Variants in ESRRA observed in about 807,000 individuals in gnomAD.
ESRRA encodes the protein steroid hormone receptor ERR1.
Under a neutral mutation model 35.6 loss-of-function variants are expected in ESRRA, and 7 were observed. The observed-to-expected ratio is 0.20, with a 90% CI of 0.11 to 0.37. The LOEUF is 0.37. Ranked by LOEUF, ESRRA falls within the 10% of genes least tolerant of loss-of-function variation. The pLI, the probability that ESRRA is intolerant of heterozygous loss-of-function variation, is 1.00. For synonymous variants in ESRRA, 223 were observed against 246.9 expected, an observed-to-expected ratio of 0.90 and a Z score of 0.91; for missense variants, 378 against 561.7, an observed-to-expected ratio of 0.67 and a Z score of 3.31.
At position 64,307,036 on chromosome 11, in the gene ESRRA, GC is replaced by G. The variant is rs1018759174; in HGVS notation, c.-12-126del. ...CCTGGGCAGTCCTTCCTTGGACTCT[GC>G]CCCCCTTCTTCCCCACTTGCTGGGC... On this transcript the variant is annotated intron_variant, in intron 1 of 6. Transcript: ENST00000000442. 7.5e-6 allele frequency: 5 copies of G among 670,006 alleles called. No homozygotes were observed. The Admixed American group carries it at 1.2e-4, about 17-fold the overall frequency. 41.5% of individuals were successfully genotyped at this position (670,006 alleles called of 1,614,324 possible). A position where few individuals can be genotyped will look rare whatever the true frequency, so the allele number is the denominator to read the frequency against.
Position 64,315,992 on chromosome 11 carries a change from T to G in ESRRA, c.*26T>G. On this transcript the variant is annotated 3_prime_UTR_variant, in exon 7 of 7. Coordinates refer to ENST00000000442, the MANE Select transcript of ESRRA (RefSeq NM_004451.5). ...GGCAAGGGGTGGGACTGGTGGGGGT[T>G]CTGGCAGGACCTGCCTAGCATGGGG... is the stretch of plus-strand genomic sequence containing the variant. 2 of 1,543,172 alleles carry G rather than the reference T, an allele frequency of 1.3e-6. No individual in the cohort carries two copies. The highest frequency in any genetic ancestry group is 1.8e-6 in the Non-Finnish European group (2 of 1,140,372).
chr11:64,310,715 T>C (rs1255405864), intron 2 of ESRRA, among the ~76,000 whole-genome samples: 3 of 151,914 alleles, frequency 2.0e-5, no homozygotes, highest in Non-Finnish European at 4.4e-5. Context: ...GCCCGGCTAA[T>C]TTTTGTGTTT....
Position 64,313,827 on chromosome 11 carries a change from C to T in ESRRA, c.326-124C>T. On this transcript the variant is annotated intron_variant, in intron 2 of 6. Transcript: ENST00000000442. The surrounding 1 kb of genome is among the most constrained non-coding windows in gnomAD (Gnocchi z 4.0). ...CTCCCTGCCTGCTCATGGCCCCCTG[C>T]TCTCCCTTTCCTCCCCATACCCCCA... The T allele has an allele frequency of 1.6e-6, 1 of 637,156 alleles. No individual in the cohort carries two copies. Among genetic ancestry groups the T allele is most frequent in the South Asian group, 2.1e-5 (1 of 46,876 alleles). 39.5% of individuals were successfully genotyped at this position (637,156 alleles called of 1,614,324 possible).
In ESRRA at chr11:64,307,207, C is replaced by T. The variant is rs1248972268; in HGVS notation, c.28C>T (p.Pro10Ser). MSSQVVGIEPLYIKAEPASP... is the reference protein window; with the variant it reads MSSQVVGIESLYIKAEPASP... ...GTCCAGCCAGGTGGTGGGCATTGAG[C>T]CTCTCTACATCAAGGCAGAGCCGGC... The change falls in exon 2 of 7, where the codon CCT (proline) becomes TCT (serine). Residue 10 changes from proline (P) to serine (S), a missense_variant. Around this residue, in one of 4 missense-constraint regions of ESRRA, gnomAD observed 87 missense variants for 92.6 expected, o/e 0.94. Transcript: ENST00000000442. 1 of 1,599,252 alleles carries T rather than the reference C, an allele frequency of 6.3e-7. No individual in the cohort carries two copies. The highest frequency in any genetic ancestry group is 1.1e-5 in the South Asian group (1 of 89,134).
chr11:64,307,517 C>T lies in ESRRA; in HGVS notation c.325+13C>T, dbSNP rs1203246364. The T allele has an allele frequency of 1.3e-6, 2 of 1,496,002 alleles. No homozygotes were observed. Among genetic ancestry groups the T allele is most frequent in the Non-Finnish European group, 1.8e-6 (2 of 1,121,224 alleles). 92.7% of individuals were successfully genotyped at this position (1,496,002 alleles called of 1,614,324 possible). ...AGGACCATCCAGGGTGAGCCCCCAG[C>T]CCACTCCCCTGTCCTTTGCCCTGCA... On this transcript the variant is annotated intron_variant, in intron 2 of 6. Transcript: ENST00000000442.
At chr11:64,315,565 C>T (rs2035232165) in intron 6 of ESRRA, 142 bp from the exon 7 acceptor site, 1 of 1,221,186 alleles carries the variant, frequency 8.2e-7, no homozygotes, top group Non-Finnish European at 1.2e-6. Context: ...CGAGCCGCAG[C>T]AATGAGTGGT....
At chr11:64,312,544 G>A (rs1233597793) in intron 2 of ESRRA, among the ~76,000 whole-genome samples, 3 of 152,232 alleles carry the variant, frequency 2.0e-5, no homozygotes, top group East Asian at 1.9e-4. Context: ...TCATTTGGTC[G>A]TTGCGGGGCC....
intron 2 of ESRRA, among the ~76,000 whole-genome samples, chr11:64,311,701 CT>C (rs1219268305): frequency 6.5e-4 from 86 of 132,612 alleles, no homozygotes; most frequent in Non-Finnish European, 5.2e-4. Flanking sequence ...CTCCCGGCCT[CT>C]TTTTTTTTTT....
intron 2 of ESRRA, among the ~76,000 whole-genome samples, chr11:64,311,197 G>A (rs2035132707): frequency 1.3e-5 from 2 of 152,248 alleles, no homozygotes; most frequent in Admixed American, 1.3e-4. Context: ...GGTAGCCAGA[G>A]TCCCTGTTCG....
chr11:64,313,095 C>T lies in ESRRA; in HGVS notation c.326-856C>T, dbSNP rs925070934. Among the ~76,000 whole-genome samples, 8 of 151,950 alleles carry T rather than the reference C, an allele frequency of 5.3e-5. No individual in the cohort carries two copies. Among genetic ancestry groups the T allele is most frequent in the African/African-American group, 9.7e-5 (4 of 41,334 alleles). On this transcript the variant is annotated intron_variant, in intron 2 of 6. Coordinates refer to ENST00000000442, the MANE Select transcript of ESRRA (RefSeq NM_004451.5). The surrounding 1 kb of genome is among the most constrained non-coding windows in gnomAD (Gnocchi z 4.0). The stretch of plus-strand genomic sequence containing the variant: ...ACTGGAGCAAGCAGGGACAGCCAAG[C>T]GAGGGGCGAGGTGACAGTGACTATC...
In ESRRA at chr11:64,315,979, G is replaced by A. The variant is rs765753980; in HGVS notation, c.*13G>A. ...CATGATGGACTGAGGCAAGGGGTGGGACTGGTGGGGGTTCTGGCAGGACCT... is the reference window on the plus strand; with the variant it reads ...CATGATGGACTGAGGCAAGGGGTGGAACTGGTGGGGGTTCTGGCAGGACCT... On this transcript the variant is annotated 3_prime_UTR_variant, in exon 7 of 7. Transcript: ENST00000000442. 1.9e-6 allele frequency: 3 copies of A among 1,549,852 alleles called. No homozygotes were observed. Among genetic ancestry groups the A allele is most frequent in the Admixed American group, 1.8e-5 (1 of 55,030 alleles).
chr11:64,316,097 C>T lies in ESRRA; in HGVS notation c.*131C>T, dbSNP rs2035253442. Reference sequence around the variant, plus strand: ...GCAGGGCCAGGGCAATGCCATCAGCCCCTGGGAACAGGCCCCACGCCCTCT... The same window carrying T: ...GCAGGGCCAGGGCAATGCCATCAGCTCCTGGGAACAGGCCCCACGCCCTCT... On this transcript the variant is annotated 3_prime_UTR_variant, in exon 7 of 7. Coordinates refer to ENST00000000442, the MANE Select transcript of ESRRA (RefSeq NM_004451.5). The T allele has an allele frequency of 1.7e-6, 2 of 1,142,924 alleles. No homozygotes were observed. Among genetic ancestry groups the T allele is most frequent in the African/African-American group, 3.1e-5 (2 of 64,368 alleles). The allele number at this position is 1,142,924 out of a possible 1,614,324, so 70.8% of individuals were successfully genotyped here. A position where few individuals can be genotyped will look rare whatever the true frequency, so the allele number is the denominator to read the frequency against.
rs373117504 is a variant in ESRRA at position 64,314,345 on chromosome 11, C to T, written c.549C>T (p.Val183=). The T allele has an allele frequency of 3.2e-4, 507 of 1,591,488 alleles. No homozygotes were observed. Among genetic ancestry groups the T allele is most frequent in the Non-Finnish European group, 4.0e-4 (466 of 1,168,970 alleles). ...CCTTCCCTGCTGGGCCCCTGGCAGTCGCTGGAGGCCCCCGGAAGACAGGTG... is the reference window on the plus strand; with the variant it reads ...CCTTCCCTGCTGGGCCCCTGGCAGTTGCTGGAGGCCCCCGGAAGACAGGTG... ...PGPFPAGPLA[V]AGGPRKTAAP... is the part of the protein sequence containing the mutation. The change falls in exon 4 of 7, where the codon GTC becomes GTT. Residue 183 remains valine (V), a synonymous_variant. Transcript: ENST00000000442.
rs1182725651 is a variant in ESRRA, at chr11:64,315,868, G to T, written c.1174G>T (p.Ala392Ser). The T allele has an allele frequency of 3.1e-6, 5 of 1,610,324 alleles. No individual in the cohort carries two copies. Among genetic ancestry groups the T allele is most frequent in the Non-Finnish European group, 4.2e-6 (5 of 1,178,380 alleles). The change falls in exon 7 of 7, where the codon GCG becomes TCG. Residue 392 changes from alanine (A) to serine (S), a missense_variant. By Grantham distance (99) the Ala-to-Ser change is moderately conservative. Transcript: ENST00000000442. The stretch of plus-strand genomic sequence containing the variant: ...CACGCTACCGCTCCTCCGCCAGACA[G>T]CGGGCAAAGTGCTGGCCCATTTCTA... ...LLTLPLLRQT[A>S]GKVLAHFYGV...
chr11:64,315,449 T>G (rs983110012), intron 6 of ESRRA, among the ~76,000 whole-genome samples, 179 bp downstream of exon 6: 1 of 152,238 alleles, frequency 6.6e-6, no homozygotes, highest in African/African-American at 2.4e-5. Flanking sequence ...CACAGGATTT[T>G]GAGCCCTAGT....
intron 2 of ESRRA, 106 bp downstream of exon 2, chr11:64,307,610 C>G (rs763355091): frequency 6.0e-6 from 5 of 839,690 alleles, no homozygotes; most frequent in African/African-American, 5.2e-5. Flanking sequence ...GGCTAACAAT[C>G]TGGTGTTTCC....
chr11:64,311,962 C>T (rs1381928774), intron 2 of ESRRA, among the ~76,000 whole-genome samples: 4 of 146,058 alleles, frequency 2.7e-5, no homozygotes, highest in East Asian at 2.1e-4. Flanking sequence ...GGATTATAGG[C>T]GTGAGCCACT....
In ESRRA at chr11:64,313,975, C is replaced by G. The variant is rs1565377211; in HGVS notation, c.350C>G (p.Ala117Gly). The G allele has an allele frequency of 6.3e-7, 1 of 1,581,146 alleles. No individual in the cohort carries two copies. The highest frequency in any genetic ancestry group is 8.6e-7 in the Non-Finnish European group (1 of 1,163,806). ...GGGAGCATCGAGTACAGCTGTCCGG[C>G]CTCCAACGAGTGTGAGATCACCAAG... ...IQGSIEYSCP[A>G]SNECEITKRR... The change falls in exon 3 of 7, where the codon GCC becomes GGC. Residue 117 changes from alanine to glycine, a missense_variant. Ala to Gly is a moderately conservative substitution (Grantham distance 60). Around this residue, in one of 4 missense-constraint regions of ESRRA, gnomAD observed 284 missense variants for 411.7 expected, o/e 0.69. Coordinates refer to ENST00000000442, the MANE Select transcript of ESRRA (RefSeq NM_004451.5). This position sits in a 1 kb window ranked among gnomAD's most constrained non-coding sequence, Gnocchi z 4.0.
chr11:64,306,001 C>T (rs577799651), intron 1 of ESRRA, among the ~76,000 whole-genome samples: 1 of 152,218 alleles, frequency 6.6e-6, no homozygotes, highest in South Asian at 2.1e-4. Flanking sequence ...GGCCTCCGAT[C>T]CAGCCCGCTC....
Sources: gnomAD v4.1 joint callset for allele counts (sites outside exome capture counted in the v4.1 genomes callset) on GRCh38, gnomAD v4.1.1 for gene constraint, gnomAD v4.1.1 regional missense constraint, Gnocchi (gnomAD v3.1) non-coding constraint, MANE v1.5 for transcripts, NCBI Gene and HGNC (gene_info 2026-07-23, HGNC 2026-07-21) for gene names.